The following FSTL4 variants were observed in gnomAD, a reference collection of about 807,000 sequenced individuals.
The protein encoded by FSTL4 is follistatin like 4, also known as follistatin-related protein 4.
Under a neutral mutation model 78.2 loss-of-function variants are expected in FSTL4, and 28 were observed. The ratio of observed to expected loss-of-function variants is 0.36; its 90% CI spans 0.27 to 0.49. The LOEUF is 0.49. FSTL4 is among the 20% of genes least tolerant of loss of function. FSTL4 has a pLI of 0.98. For synonymous variants in FSTL4, 422 were observed against 440.5 expected (o/e 0.96, Z 0.53); for missense variants, 922 against 1,084.9 (o/e 0.85, Z 2.11).
At chr5:133,629,247 T>G in the FSTL4 span, among the ~76,000 whole-genome samples, 1 of 152,126 alleles carries the variant, frequency 6.6e-6, no homozygotes, top group Non-Finnish European at 1.5e-5. Flanking sequence ...TTTTTGTCAT[T>G]GGTTCTGTTC....
chr5:133,327,804 T>A (rs1190904217), intron 4 of FSTL4, among the ~76,000 whole-genome samples: 3 of 152,194 alleles, frequency 2.0e-5, no homozygotes, highest in African/African-American at 4.8e-5. Context: ...CTGCTGGCAT[T>A]TGGCCATGCC....
At chr5:133,307,443 C>A (rs1581607448) in intron 6 of FSTL4, among the ~76,000 whole-genome samples, 2 of 152,330 alleles carry the variant, frequency 1.3e-5, no homozygotes, top group East Asian at 1.9e-4. Context: ...ACTCTGCTAC[C>A]TGCTGACTAT....
the FSTL4 span, among the ~76,000 whole-genome samples, chr5:133,701,352 G>A: frequency 6.8e-6 from 1 of 147,816 alleles, no homozygotes; most frequent in Non-Finnish European, 1.5e-5. Context: ...GCAGTGAGCC[G>A]AGATCACGCC....
chr5:133,512,666 A>C (rs1758758422), intron 3 of FSTL4, among the ~76,000 whole-genome samples: 1 of 152,192 alleles, frequency 6.6e-6, no homozygotes, highest in African/African-American at 2.4e-5. Context: ...TAATAAGATA[A>C]ATGTGTACCT....
chr5:133,599,310 C>T (rs1760806090), intron 2 of FSTL4, among the ~76,000 whole-genome samples: 1 of 152,144 alleles, frequency 6.6e-6, no homozygotes, highest in African/African-American at 2.4e-5. Context: ...CTGCCATCAA[C>T]ACTTGTAGCA....
intron 4 of FSTL4, among the ~76,000 whole-genome samples, chr5:133,337,208 C>T (rs1754482795): frequency 6.6e-6 from 1 of 152,186 alleles, no homozygotes; most frequent in South Asian, 2.1e-4. Flanking sequence ...CAGCGTGCAC[C>T]AGGATGATGA....
chr5:133,517,421 TCA>T (rs1758877164), intron 3 of FSTL4, among the ~76,000 whole-genome samples: 1 of 7,218 alleles, frequency 1.4e-4, no homozygotes, highest in African/African-American at 1.0e-3. Flanking sequence ...AGACTCCATC[TCA>T]AAAAAAAAAA....
At chr5:133,459,593 G>A (rs1757554959) in intron 3 of FSTL4, among the ~76,000 whole-genome samples, 1 of 152,142 alleles carries the variant, frequency 6.6e-6, no homozygotes, top group African/African-American at 2.4e-5. Context: ...ATCTGCAGAG[G>A]AGACTGTGGA....
At chr5:133,566,082 T>A (rs1478596938) in intron 3 of FSTL4, among the ~76,000 whole-genome samples, 1 of 152,068 alleles carries the variant, frequency 6.6e-6, no homozygotes, top group East Asian at 1.9e-4. Context: ...GGACATCGAG[T>A]CCGAAGCCGA....
At chr5:133,323,636 C>T (rs1484092416) in intron 4 of FSTL4, among the ~76,000 whole-genome samples, 1 of 152,246 alleles carries the variant, frequency 6.6e-6, no homozygotes, top group African/African-American at 2.4e-5. Flanking sequence ...GCTCAGCCAC[C>T]TTCCTGCCAG....
At chr5:133,759,308 G>A in the FSTL4 span, among the ~76,000 whole-genome samples, 1 of 152,220 alleles carries the variant, frequency 6.6e-6, no homozygotes, top group Non-Finnish European at 1.5e-5. Flanking sequence ...CTCAATGGTG[G>A]AGGTGGAATG....
chr5:133,802,879 T>C, the FSTL4 span, among the ~76,000 whole-genome samples: 1 of 152,170 alleles, frequency 6.6e-6, no homozygotes, highest in Non-Finnish European at 1.5e-5. Context: ...GTAACTGGTA[T>C]AGGTGTACAC....
At chr5:133,563,844 C>G (rs979201645) in intron 3 of FSTL4, among the ~76,000 whole-genome samples, 4 of 152,160 alleles carry the variant, frequency 2.6e-5, no homozygotes, top group Non-Finnish European at 4.4e-5. Flanking sequence ...GAGAGATTCT[C>G]CAGTCAAAAT....
At chr5:133,215,200 T>C (rs1193680873) in intron 13 of FSTL4, among the ~76,000 whole-genome samples, 1 of 152,160 alleles carries the variant, frequency 6.6e-6, no homozygotes, top group African/African-American at 2.4e-5. Flanking sequence ...CCTAATTTTT[T>C]CCTATCTTTC....
At chr5:133,481,577 A>C in intron 3 of FSTL4, among the ~76,000 whole-genome samples, 1 of 148,942 alleles carries the variant, frequency 6.7e-6, no homozygotes, top group South Asian at 2.1e-4. Flanking sequence ...AAGCTTTTTT[A>C]AGGGAACTCA....
chr5:133,316,222 C>CA (rs1753898568), intron 5 of FSTL4, among the ~76,000 whole-genome samples: 1 of 152,174 alleles, frequency 6.6e-6, no homozygotes, highest in South Asian at 2.1e-4. Context: ...ATTTCCTAGT[C>CA]AAAACATCAG....
chr5:133,645,902 A>G, the FSTL4 span, among the ~76,000 whole-genome samples: 1 of 152,184 alleles, frequency 6.6e-6, no homozygotes, highest in South Asian at 2.1e-4. Context: ...AACTGGGACT[A>G]ACTGGGTGGC....
Position 133,236,337 on chromosome 5 carries a change from C to A in FSTL4, c.895-2800G>T, listed in dbSNP as rs56051389. 1.1e-3 allele frequency among the ~76,000 whole-genome samples: 174 copies of A among 152,214 alleles called. No individual in the cohort carries two copies. Among genetic ancestry groups the A allele is most frequent in the African/African-American group, 4.0e-3 (167 of 41,532 alleles). The stretch of plus-strand genomic sequence containing the variant: ...CCAGATATCAACCTCAGGTTGATAC[C>A]CATTAATACCAACATACGGTCTTCA... On this transcript the variant is annotated intron_variant, in intron 7 of 15. Transcript: ENST00000265342. The surrounding 1 kb of genome is among the most constrained non-coding windows in gnomAD (Gnocchi z 5.0).
chr5:133,265,275 G>A (rs1581580172), intron 6 of FSTL4, among the ~76,000 whole-genome samples: 1 of 152,120 alleles, frequency 6.6e-6, no homozygotes, highest in African/African-American at 2.4e-5. Flanking sequence ...CGGAACTGCC[G>A]GCCACTCTCC....
Sources: allele counts gnomAD v4.1 joint callset (sites outside exome capture counted in the v4.1 genomes callset), GRCh38; gene constraint gnomAD v4.1.1; non-coding constraint Gnocchi (gnomAD v3.1); transcripts MANE v1.5; gene names NCBI Gene and HGNC (gene_info 2026-07-23, HGNC 2026-07-21).